The following AUTS2 variants were observed in gnomAD, a reference collection of about 807,000 sequenced individuals.
AUTS2 encodes the protein activator of transcription and developmental regulator AUTS2, also known as autism susceptibility gene 2 protein.
AUTS2 carries 17 observed loss-of-function variants against 112.4 expected under a neutral mutation model. The ratio of observed to expected loss-of-function variants is 0.15; its 90% CI spans 0.10 to 0.23. The LOEUF (loss-of-function observed/expected upper bound fraction) is 0.23, where lower values mean the gene tolerates loss of function less well. Among genes scored for constraint, AUTS2 ranks in the 10% least tolerant of loss-of-function variants. The pLI is 1.00. For missense variants in AUTS2, 1,510 were observed against 1,701.6 expected (o/e 0.89, Z 1.98); for synonymous variants, 751 against 702.7 (o/e 1.07, Z -1.09).
chr7:69,628,114 A>T (rs1794046943), intron 1 of AUTS2, among the ~76,000 whole-genome samples: 1 of 152,190 alleles, frequency 6.6e-6, no homozygotes, highest in South Asian at 2.1e-4. Context: ...TTGTCAAAAG[A>T]TTACAAAGGG....
intron 4 of AUTS2, among the ~76,000 whole-genome samples, chr7:70,219,096 G>A (rs1811332220): frequency 1.3e-5 from 2 of 152,098 alleles, no homozygotes; most frequent in African/African-American, 2.4e-5. Context: ...TTGTGATCAC[G>A]AGAACACAAA....
At chr7:70,472,447 A>AT (rs1797427062) in intron 5 of AUTS2, among the ~76,000 whole-genome samples, 6 of 151,688 alleles carry the variant, frequency 4.0e-5, no homozygotes, top group Non-Finnish European at 8.8e-5. Flanking sequence ...TTCTAAAGCC[A>AT]AGAGCTCTAC....
chr7:70,630,849 C>A (rs1805221344), intron 5 of AUTS2, among the ~76,000 whole-genome samples: 1 of 152,114 alleles, frequency 6.6e-6, no homozygotes, highest in Non-Finnish European at 1.5e-5. Context: ...GCAGTAATTG[C>A]CTTTTACGAA....
intron 4 of AUTS2, among the ~76,000 whole-genome samples, chr7:70,175,526 C>T (rs1381521501): frequency 6.6e-6 from 1 of 152,136 alleles, no homozygotes; most frequent in Non-Finnish European, 1.5e-5. Context: ...ACAGAGAAAT[C>T]TTTCATGAAA....
chr7:70,081,965 T>TGCGCGC lies in AUTS2; in HGVS notation c.523-36164_523-36159dup, dbSNP rs1554304899. On this transcript the variant is annotated intron_variant, in intron 2 of 18. Transcript: ENST00000342771. ...GTGTGTGTGTGTGTGTGTGTGTGTG[T>TGCGCGC]GCGCGCGCCTGTGTGTGTGTTTAAA... is the stretch of plus-strand genomic sequence containing the variant. Among the ~76,000 whole-genome samples, 706 of 128,082 alleles carry TGCGCGC rather than the reference T, an allele frequency of 5.5e-3. 3 individuals are homozygous for TGCGCGC. Among genetic ancestry groups the TGCGCGC allele is most frequent in the African/African-American group, 0.013 (451 of 35,254 alleles). 84.0% of individuals were successfully genotyped at this position (128,082 alleles called of 152,430 possible). A position where few individuals can be genotyped will look rare whatever the true frequency, so the allele number is the denominator to read the frequency against.
At chr7:70,599,924 T>C (rs1454063921) in intron 5 of AUTS2, among the ~76,000 whole-genome samples, 1 of 152,166 alleles carries the variant, frequency 6.6e-6, no homozygotes, top group Non-Finnish European at 1.5e-5. Flanking sequence ...CCACATGCAC[T>C]GAAGTTGGGA....
At chr7:70,768,485 C>G (rs1310356922) in intron 10 of AUTS2, among the ~76,000 whole-genome samples, 1 of 152,160 alleles carries the variant, frequency 6.6e-6, no homozygotes, top group Admixed American at 6.5e-5. Context: ...CTTTTTGACT[C>G]ATGACTCTTC....
chr7:70,004,415 A>C (rs895853406), intron 2 of AUTS2, among the ~76,000 whole-genome samples: 1 of 45,522 alleles, frequency 2.2e-5, no homozygotes, highest in Non-Finnish European at 3.4e-5. Flanking sequence ...GTGAATATAT[A>C]ATATATTATA....
intron 2 of AUTS2, among the ~76,000 whole-genome samples, chr7:70,002,021 T>C (rs1447407839): frequency 6.6e-6 from 1 of 152,166 alleles, no homozygotes; most frequent in Non-Finnish European, 1.5e-5. Context: ...TTCATTGTCA[T>C]CTTTGAGTTA....
At position 69,599,541 on chromosome 7, in the gene AUTS2, G is replaced by T; in HGVS notation, c.-113G>T. On this transcript the variant is annotated 5_prime_UTR_variant, in exon 1 of 19. Transcript: ENST00000342771. This position sits in a 1 kb window ranked among gnomAD's most constrained non-coding sequence, Gnocchi z 7.0. ...CCGCCGTCTCCCCCGCGCCCTCCTC[G>T]GGGCGGAGGGAAGCCGTGAAGGGGG... 9.6e-7 allele frequency: 1 copy of T among 1,046,722 alleles called. No homozygotes were observed. The highest frequency in any genetic ancestry group is 1.2e-6 in the Non-Finnish European group (1 of 825,212). 64.8% of individuals were successfully genotyped at this position (1,046,722 alleles called of 1,614,324 possible). A position where few individuals can be genotyped will look rare whatever the true frequency, so the allele number is the denominator to read the frequency against.
intron 5 of AUTS2, among the ~76,000 whole-genome samples, chr7:70,568,452 T>C (rs1801796927): frequency 6.6e-6 from 1 of 152,266 alleles, no homozygotes; most frequent in South Asian, 2.1e-4. Context: ...TGTTACTTTT[T>C]TAAATGTTTT....
At chr7:70,668,136 C>T (rs938235752) in intron 5 of AUTS2, among the ~76,000 whole-genome samples, 17 of 152,204 alleles carry the variant, frequency 1.1e-4, no homozygotes, top group South Asian at 4.1e-4. Context: ...TGTGCCACCA[C>T]GCCCAACTAA....
chr7:69,698,233 A>G (rs557579240), intron 1 of AUTS2, among the ~76,000 whole-genome samples: 3 of 152,332 alleles, frequency 2.0e-5, no homozygotes, highest in African/African-American at 7.2e-5. Flanking sequence ...TGAGTGACAT[A>G]GTAGTTGTCT....
At chr7:70,703,440 G>A (rs1809565630) in intron 6 of AUTS2, among the ~76,000 whole-genome samples, 1 of 139,144 alleles carries the variant, frequency 7.2e-6, no homozygotes, top group South Asian at 2.3e-4. Context: ...AGGCTGCAGT[G>A]AGCCCTGATT....
At chr7:70,769,974 C>T (rs1428763142) in intron 10 of AUTS2, among the ~76,000 whole-genome samples, 1 of 152,072 alleles carries the variant, frequency 6.6e-6, no homozygotes, top group Non-Finnish European at 1.5e-5. Context: ...AAATTGTAAA[C>T]ATTAAAGGGA....
chr7:70,378,696 A>T (rs1355450774), intron 4 of AUTS2, among the ~76,000 whole-genome samples: 2 of 152,240 alleles, frequency 1.3e-5, no homozygotes, highest in Non-Finnish European at 2.9e-5. Context: ...TATATTCCTC[A>T]TTATATTCCC....
chr7:70,148,154 C>T (rs1286999995), intron 4 of AUTS2, among the ~76,000 whole-genome samples: 1 of 152,076 alleles, frequency 6.6e-6, no homozygotes. Context: ...TTTTCATACT[C>T]ATCTTGGTAA....
At chr7:69,659,583 G>GTT (rs58289887) in intron 1 of AUTS2, among the ~76,000 whole-genome samples, 42,186 of 81,520 alleles carry the variant, frequency 0.52, 11,185 homozygotes, top group Non-Finnish European at 0.56. Context: ...AGGCTTAGTT[G>GTT]TTTTTTTTTT....
rs4718909 is a variant in AUTS2, at chr7:69,843,970, G to T, written c.310-55316G>T. Among the ~76,000 whole-genome samples the T allele has an allele frequency of 8.6e-3, 1,304 of 152,254 alleles. 49 individuals carry two copies. The East Asian group carries it at 0.1, about 12-fold the overall frequency. ...TGCTTTTCAAGTGGCCTGATAAATA[G>T]TATCTTTGTATCATGTGAGAGTTAT... On this transcript the variant is annotated intron_variant, in intron 1 of 18. Transcript: ENST00000342771.
Sources: allele counts gnomAD v4.1 joint callset (sites outside exome capture counted in the v4.1 genomes callset), GRCh38; gene constraint gnomAD v4.1.1; non-coding constraint Gnocchi (gnomAD v3.1); transcripts MANE v1.5; gene names NCBI Gene and HGNC (gene_info 2026-07-23, HGNC 2026-07-21).